The following NTM variants were observed in gnomAD, a reference collection of about 807,000 sequenced individuals.
The protein encoded by NTM is IgLON family member 2.
In NTM, 13 loss-of-function variants were observed where a neutral mutation model predicts 42.1. The ratio of observed to expected loss-of-function variants is 0.31; its 90% confidence interval spans 0.20 to 0.49. The LOEUF (loss-of-function observed/expected upper bound fraction) is 0.49, where lower values mean the gene tolerates loss of function less well. NTM is among the 20% of genes least tolerant of loss of function. The probability of loss-of-function intolerance (pLI) is 0.99; values close to 1 mark genes in which losing one functional copy is unlikely to be tolerated. For synonymous variants in NTM, 187 were observed against 179.2 expected (o/e 1.04, Z -0.35); for missense variants, 373 against 452.8 (o/e 0.82, Z 1.60).
chr11:132,023,856 T>C (rs4936151), intron 2 of NTM, among the ~76,000 whole-genome samples: 63,503 of 151,340 alleles, frequency 0.42, 14,324 homozygotes, highest in East Asian at 0.82. Context: ...TCTCACTCTG[T>C]CGCCCAGGCT....
chr11:131,427,323 G>A (rs1442927502), intron 1 of NTM, among the ~76,000 whole-genome samples: 4 of 152,114 alleles, frequency 2.6e-5, no homozygotes, highest in Non-Finnish European at 5.9e-5. Context: ...TAGTCAGAAT[G>A]TCTTTAAAAT....
intron 1 of NTM, among the ~76,000 whole-genome samples, chr11:131,558,777 G>C (rs967326879): frequency 2.6e-5 from 4 of 152,108 alleles, no homozygotes; most frequent in Non-Finnish European, 2.9e-5. Flanking sequence ...GAGGAGAAGG[G>C]GTGCCATCCC....
intron 1 of NTM, among the ~76,000 whole-genome samples, chr11:131,550,255 G>A (rs1328424465): frequency 6.6e-6 from 1 of 151,900 alleles, no homozygotes; most frequent in Non-Finnish European, 1.5e-5. Context: ...GAGACCAGCT[G>A]GCCAACATAG....
At chr11:131,805,428 A>G (rs2092423840) in intron 1 of NTM, among the ~76,000 whole-genome samples, 2 of 152,080 alleles carry the variant, frequency 1.3e-5, no homozygotes, top group Admixed American at 1.3e-4. Flanking sequence ...TGCATGTGTG[A>G]TGTGTGTGTG....
chr11:132,137,979 C>T (rs1005441533), intron 2 of NTM, among the ~76,000 whole-genome samples: 12 of 152,282 alleles, frequency 7.9e-5, no homozygotes, highest in Admixed American at 2.0e-4. Flanking sequence ...ATAAGCTCCC[C>T]GTTTCCATCC....
chr11:132,266,338 G>A (rs892029477), intron 4 of NTM, among the ~76,000 whole-genome samples: 1 of 152,172 alleles, frequency 6.6e-6, no homozygotes, highest in Non-Finnish European at 1.5e-5. Flanking sequence ...CATCTCTCTT[G>A]TTGCCAGTGT....
chr11:132,271,303 G>A (rs2093464432), intron 4 of NTM, among the ~76,000 whole-genome samples: 1 of 152,170 alleles, frequency 6.6e-6, no homozygotes, highest in Non-Finnish European at 1.5e-5. Flanking sequence ...ATCAGTGGAT[G>A]GACATTTGGG....
intron 2 of NTM, among the ~76,000 whole-genome samples, chr11:132,034,898 C>T (rs1004458896): frequency 1.3e-5 from 2 of 152,192 alleles, no homozygotes; most frequent in African/African-American, 4.8e-5. Context: ...AGATGATATA[C>T]ATTCATGATA....
intron 1 of NTM, among the ~76,000 whole-genome samples, chr11:131,496,721 C>T (rs1264458879): frequency 6.6e-6 from 1 of 152,212 alleles, no homozygotes; most frequent in African/African-American, 2.4e-5. Context: ...ACCGTTAGTG[C>T]CTGACATGAA....
chr11:131,970,137 G>A (rs1410371282), intron 2 of NTM, among the ~76,000 whole-genome samples: 1 of 152,188 alleles, frequency 6.6e-6, no homozygotes, highest in East Asian at 1.9e-4. Flanking sequence ...GGCAATGAAA[G>A]CAATGCAATT....
At chr11:132,200,649 A>G (rs2081018075) in intron 3 of NTM, among the ~76,000 whole-genome samples, 1 of 152,190 alleles carries the variant, frequency 6.6e-6, no homozygotes, top group Non-Finnish European at 1.5e-5. Context: ...CTGAGAATGT[A>G]AGTGAGCTTG....
chr11:131,678,849 A>G (rs2658835), intron 1 of NTM, among the ~76,000 whole-genome samples: 112,804 of 152,098 alleles, frequency 0.74, 41,995 homozygotes, highest in East Asian at 0.8. Flanking sequence ...GCTGTCCGGG[A>G]CGGGGCCTGC....
At chr11:132,207,933 T>C (rs2082231931) in intron 3 of NTM, among the ~76,000 whole-genome samples, 1 of 152,206 alleles carries the variant, frequency 6.6e-6, no homozygotes, top group African/African-American at 2.4e-5. Context: ...TCTGCATCTA[T>C]TTTGATATCT....
chr11:131,829,642 AAT>A (rs2042563059), intron 1 of NTM, among the ~76,000 whole-genome samples: 1 of 152,176 alleles, frequency 6.6e-6, no homozygotes, highest in South Asian at 2.1e-4. Flanking sequence ...TGCTGCAAGA[AAT>A]ATATGTGTGA....
intron 2 of NTM, among the ~76,000 whole-genome samples, chr11:132,126,779 G>T (rs2065910456): frequency 6.6e-6 from 1 of 152,132 alleles, no homozygotes; most frequent in Non-Finnish European, 1.5e-5. Flanking sequence ...GCCTTTTTCC[G>T]ATTTGTGCTG....
chr11:132,021,241 C>G (rs2074279212), intron 2 of NTM, among the ~76,000 whole-genome samples: 2 of 151,820 alleles, frequency 1.3e-5, no homozygotes. Context: ...CTTTTGTTTC[C>G]TTTGTTAGAC....
At chr11:131,782,922 C>T (rs534231009) in intron 1 of NTM, among the ~76,000 whole-genome samples, 44 of 152,130 alleles carry the variant, frequency 2.9e-4, no homozygotes, top group South Asian at 1.9e-3. Context: ...AGAATAAGAA[C>T]GAGAAAAGAA....
At chr11:131,874,958 G>T (rs1396076161) in intron 1 of NTM, among the ~76,000 whole-genome samples, 4 of 152,148 alleles carry the variant, frequency 2.6e-5, no homozygotes, top group Non-Finnish European at 5.9e-5. Flanking sequence ...GAAGGCGAGG[G>T]CTGAGGTCCC....
chr11:132,167,476 C>T (rs1175863603), intron 3 of NTM, among the ~76,000 whole-genome samples: 1 of 152,238 alleles, frequency 6.6e-6, no homozygotes, highest in Non-Finnish European at 1.5e-5. Flanking sequence ...AAACAATACA[C>T]TGTGCTGTCT....
Sources: allele counts gnomAD v4.1 joint callset (sites outside exome capture counted in the v4.1 genomes callset), GRCh38; gene constraint gnomAD v4.1.1; transcripts MANE v1.5; gene names NCBI Gene and HGNC (gene_info 2026-07-23, HGNC 2026-07-21).